The following TMEM120B variants were observed in gnomAD, a reference collection of about 807,000 sequenced individuals.
The protein encoded by TMEM120B is transmembrane protein 120B.
Under a neutral mutation model 55.5 loss-of-function variants are expected in TMEM120B, and 31 were observed. The ratio of observed to expected loss-of-function variants is 0.56; its 90% CI spans 0.42 to 0.75. TMEM120B has a LOEUF of 0.75. TMEM120B is among the 30% of genes least tolerant of loss of function. TMEM120B has a pLI of 0.00. For synonymous variants in TMEM120B, 203 were observed against 176.3 expected, an observed-to-expected ratio of 1.15 and a Z score of -1.20; for missense variants, 399 against 425.5, an observed-to-expected ratio of 0.94 and a Z score of 0.55.
At position 121,780,776 on chromosome 12, in the gene TMEM120B, C is replaced by T. The variant is rs1316736667; in HGVS notation, c.*5054C>T. 1 of 1,388,504 alleles carries T rather than the reference C, an allele frequency of 7.2e-7. No homozygotes were observed. Among genetic ancestry groups the T allele is most frequent in the South Asian group, 1.4e-5 (1 of 73,112 alleles). 86.0% of individuals were successfully genotyped at this position (1,388,504 alleles called of 1,614,324 possible). A position where few individuals can be genotyped will look rare whatever the true frequency, so the allele number is the denominator to read the frequency against. On this transcript the variant is annotated 3_prime_UTR_variant, in exon 12 of 12. Transcript: ENST00000449592. ...TCTTAGAATCTTGCTTCCCTCAGCT[C>T]CCTGAAAGGCCACTAAGGCACCCCA...
chr12:121,736,284 C>T (rs998642155), intron 1 of TMEM120B, among the ~76,000 whole-genome samples: 2 of 151,522 alleles, frequency 1.3e-5, no homozygotes, highest in Admixed American at 1.3e-4. Context: ...ACTCCATTCT[C>T]CTGCCTCAGC....
At chr12:121,714,655 G>A (rs1328757596) in intron 1 of TMEM120B, among the ~76,000 whole-genome samples, 1 of 145,858 alleles carries the variant, frequency 6.9e-6, no homozygotes, top group Admixed American at 7.1e-5. Context: ...TCCGCCTCCC[G>A]GATTCAAGCG....
At chr12:121,767,036 G>A (rs1169400763) in intron 6 of TMEM120B, among the ~76,000 whole-genome samples, 1 of 152,168 alleles carries the variant, frequency 6.6e-6, no homozygotes, top group Non-Finnish European at 1.5e-5. Flanking sequence ...GTCCTGAAGG[G>A]AGAAGTCTAC....
chr12:121,714,397 G>T (rs563194609), intron 1 of TMEM120B, among the ~76,000 whole-genome samples: 1 of 151,016 alleles, frequency 6.6e-6, no homozygotes, highest in Non-Finnish European at 1.5e-5. Context: ...CTGGAATTAC[G>T]GGTGTGCGCC....
rs562873378 is a variant in TMEM120B at position 121,722,935 on chromosome 12, G to A, written c.69+9971G>A. On this transcript the variant is annotated intron_variant, in intron 1 of 11. Coordinates refer to ENST00000449592, the MANE Select transcript of TMEM120B (RefSeq NM_001080825.2). ...GCGATCTTGGCTCACTGCAACCTCC[G>A]CCTCCCGGGTTCAAGCAATTCTCTT... Among the ~76,000 whole-genome samples, 77 of 147,216 alleles carry A rather than the reference G, an allele frequency of 5.2e-4. 1 individual carries two copies. Among genetic ancestry groups the A allele is most frequent in the African/African-American group, 1.7e-3 (70 of 40,132 alleles).
Position 121,779,922 on chromosome 12 carries a change from A to G in TMEM120B, c.*4200A>G. On this transcript the variant is annotated 3_prime_UTR_variant, in exon 12 of 12. Transcript: ENST00000449592. ...CCAGCTCCGGGCAGGGAGGGGCTGAATCCTGAGACCCGGGGTTGGTTCCCC... is the reference window on the plus strand; with the variant it reads ...CCAGCTCCGGGCAGGGAGGGGCTGAGTCCTGAGACCCGGGGTTGGTTCCCC... The G allele has an allele frequency of 2.2e-6, 1 of 451,172 alleles. No homozygotes were observed. The highest frequency in any genetic ancestry group is 4.0e-6 in the Non-Finnish European group (1 of 250,576). The allele number at this position is 451,172 out of a possible 1,614,324, so 27.9% of individuals were successfully genotyped here. A position where few individuals can be genotyped will look rare whatever the true frequency, so the allele number is the denominator to read the frequency against.
intron 1 of TMEM120B, 82 bp from the exon 2 acceptor site, chr12:121,743,547 G>C: frequency 3.7e-6 from 4 of 1,085,274 alleles, no homozygotes; most frequent in Non-Finnish European, 2.7e-6. Flanking sequence ...GACAGAGCGA[G>C]ACTCTCTCAA....
intron 1 of TMEM120B, among the ~76,000 whole-genome samples, chr12:121,742,369 T>C (rs1872957172): frequency 1.3e-5 from 2 of 152,150 alleles, no homozygotes; most frequent in Non-Finnish European, 2.9e-5. Flanking sequence ...GTGCTCACTG[T>C]TGGACCATCC....
At chr12:121,723,248 G>C (rs751087711) in intron 1 of TMEM120B, among the ~76,000 whole-genome samples, 1 of 152,094 alleles carries the variant, frequency 6.6e-6, no homozygotes, top group Non-Finnish European at 1.5e-5. Flanking sequence ...GCTCACTGCA[G>C]CCTTGAACTC....
At chr12:121,731,057 C>G (rs1894994137) in intron 1 of TMEM120B, among the ~76,000 whole-genome samples, 1 of 151,858 alleles carries the variant, frequency 6.6e-6, no homozygotes, top group Non-Finnish European at 1.5e-5. Context: ...TAGTGATTGC[C>G]AGGGGCTGAG....
intron 1 of TMEM120B, among the ~76,000 whole-genome samples, chr12:121,726,395 T>C (rs1043659470): frequency 6.6e-6 from 1 of 151,100 alleles, no homozygotes; most frequent in Non-Finnish European, 1.5e-5. Context: ...CTGGCTAACA[T>C]GGTGAAACCG....
intron 7 of TMEM120B, 51 bp downstream of exon 7, chr12:121,771,023 G>T (rs748991352): frequency 1.3e-6 from 2 of 1,593,936 alleles, no homozygotes; most frequent in Non-Finnish European, 1.7e-6. Flanking sequence ...GTAGAGCCTG[G>T]GGCCCGGGAA....
chr12:121,761,800 G>T, intron 6 of TMEM120B, 62 bp downstream of exon 6: 1 of 1,360,564 alleles, frequency 7.3e-7, no homozygotes, highest in Admixed American at 1.7e-5. Flanking sequence ...GTCACGAGGG[G>T]CGTCAGATGG....
intron 1 of TMEM120B, among the ~76,000 whole-genome samples, chr12:121,729,431 C>T (rs984053190): frequency 4.6e-5 from 7 of 152,192 alleles, no homozygotes. Context: ...GCATAGAAAA[C>T]AGTATGGCAG....
intron 2 of TMEM120B, among the ~76,000 whole-genome samples, chr12:121,747,277 A>G (rs1566515423): frequency 7.2e-6 from 1 of 138,346 alleles, no homozygotes; most frequent in Non-Finnish European, 1.5e-5. Context: ...AGGCTGGGGT[A>G]GAAGGCGGGA....
chr12:121,772,430 G>A (rs1324808935), intron 8 of TMEM120B, among the ~76,000 whole-genome samples: 2 of 146,958 alleles, frequency 1.4e-5, no homozygotes, highest in African/African-American at 5.1e-5. Context: ...ACGCCGTACC[G>A]TTTCTTTCTT....
intron 5 of TMEM120B, among the ~76,000 whole-genome samples, chr12:121,752,478 C>T (rs989241584): frequency 2.0e-5 from 3 of 152,144 alleles, no homozygotes; most frequent in South Asian, 2.1e-4. Flanking sequence ...CATTACCTGG[C>T]GCGGTGGCTC....
At chr12:121,774,130 AT>A (rs1259463394) in intron 9 of TMEM120B, among the ~76,000 whole-genome samples, 1 of 151,752 alleles carries the variant, frequency 6.6e-6, no homozygotes, top group African/African-American at 2.4e-5. Context: ...TAATTTTTGT[AT>A]TTTTAGTAGA....
At position 121,780,058 on chromosome 12, in the gene TMEM120B, TTTA is replaced by T. The variant is rs2137473572; in HGVS notation, c.*4339_*4341del. The stretch of plus-strand genomic sequence containing the variant: ...CCATTTAGGCAAATTAATTTGCCCT[TTTA>T]TTTATTTATTTTTGAGATGGAGTTT... On this transcript the variant is annotated 3_prime_UTR_variant, in exon 12 of 12. Coordinates refer to ENST00000449592, the MANE Select transcript of TMEM120B (RefSeq NM_001080825.2). 1 of 169,328 alleles carries T rather than the reference TTTA, an allele frequency of 5.9e-6. No individual in the cohort carries two copies. Among genetic ancestry groups the T allele is most frequent in the African/African-American group, 2.4e-5 (1 of 42,154 alleles). 10.5% of individuals were successfully genotyped at this position (169,328 alleles called of 1,614,324 possible). A position where few individuals can be genotyped will look rare whatever the true frequency, so the allele number is the denominator to read the frequency against.
Sources: gnomAD v4.1 joint callset for allele counts (sites outside exome capture counted in the v4.1 genomes callset) on GRCh38, gnomAD v4.1.1 for gene constraint, MANE v1.5 for transcripts, NCBI Gene and HGNC (gene_info 2026-07-23, HGNC 2026-07-21) for gene names.